MTFR1: variants seen among roughly 807,000 people sequenced by gnomAD.
MTFR1 encodes mitochondrial fission regulator 1.
In MTFR1, 28 loss-of-function variants were observed where a neutral mutation model predicts 38.8. The observed-to-expected ratio is 0.72, with a 90% CI of 0.53 to 0.99. MTFR1 has a LOEUF of 0.99. Among genes scored for constraint, MTFR1 ranks in the 50% least tolerant of loss-of-function variants. The probability of loss-of-function intolerance (pLI) is 0.00; values close to 1 mark genes in which losing one functional copy is unlikely to be tolerated. For missense variants in MTFR1, 358 were observed against 395.5 expected, an observed-to-expected ratio of 0.91 and a Z score of 0.81; for synonymous variants, 145 against 137.0, an observed-to-expected ratio of 1.06 and a Z score of -0.41.
rs1285706048 is a variant in MTFR1, at chr8:65,747,265, C to T, written c.*49-23682C>T. Among the ~76,000 whole-genome samples, 7 of 152,170 alleles carry T rather than the reference C, an allele frequency of 4.6e-5. No homozygotes were observed. In the East Asian group the frequency reaches 7.7e-4, roughly 17 times the overall value. ...GTTTACCTCTAACCAGCTGGGTGGG[C>T]GCAAACAAGTCCCTCGTGCTCTCTT... On this transcript the variant is annotated intron_variant, in intron 3 of 3. Coordinates refer to the MTFR1 transcript ENST00000521247.
chr8:65,730,087 G>A (rs1266425883), intron 3 of MTFR1, among the ~76,000 whole-genome samples: 1 of 150,798 alleles, frequency 6.6e-6, no homozygotes, highest in Non-Finnish European at 1.5e-5. Context: ...TATTGCCTGA[G>A]CTCTGCCTTG....
At chr8:65,741,554 G>A (rs1240079625) in intron 3 of MTFR1, among the ~76,000 whole-genome samples, 9 of 152,234 alleles carry the variant, frequency 5.9e-5, no homozygotes, top group Middle Eastern at 3.4e-3. Flanking sequence ...ACTACCTGAC[G>A]TATCACCTTC....
chr8:65,724,873 G>A (rs1806544951), intron 3 of MTFR1: 2 of 1,610,462 alleles, frequency 1.2e-6, no homozygotes, highest in Non-Finnish European at 1.7e-6. Context: ...TCTGGCGACT[G>A]ATGTCTGTGG....
Position 65,755,317 on chromosome 8 carries a change from G to A in MTFR1, c.*49-15630G>A, listed in dbSNP as rs113297362. Among the ~76,000 whole-genome samples, 17 of 152,080 alleles carry A rather than the reference G, an allele frequency of 1.1e-4. 1 individual carries two copies. The highest frequency in any genetic ancestry group is 3.6e-4 in the African/African-American group (15 of 41,496). On this transcript the variant is annotated intron_variant, in intron 3 of 3. Transcript: ENST00000521247. ...ATTACAGGCATGAGCCATCATGCCC[G>A]GCCCATTATTGCCTTTTTAAAATTT...
intron 3 of MTFR1, among the ~76,000 whole-genome samples, chr8:65,764,423 G>A (rs553968302): frequency 5.9e-5 from 9 of 152,168 alleles, no homozygotes; most frequent in Admixed American, 2.6e-4. Context: ...AGCTGCTTTC[G>A]CAGACCAAAC....
intron 5 of MTFR1, among the ~76,000 whole-genome samples, chr8:65,706,141 C>A (rs527527319): frequency 6.6e-6 from 1 of 152,316 alleles, no homozygotes; most frequent in Admixed American, 6.5e-5. Context: ...GGCGCTGATG[C>A]TGGACTGTGC....
chr8:65,747,066 A>T (rs1245174903), intron 3 of MTFR1, among the ~76,000 whole-genome samples: 2 of 152,212 alleles, frequency 1.3e-5, no homozygotes, highest in Non-Finnish European at 2.9e-5. Context: ...GGAAGTAAAT[A>T]ATGCTCACAA....
chr8:65,745,535 T>C (rs1363165807), intron 3 of MTFR1: 2 of 873,688 alleles, frequency 2.3e-6, no homozygotes, highest in Non-Finnish European at 3.8e-6. Flanking sequence ...TTGGAGATAT[T>C]CCATAGAGAA....
chr8:65,723,346 T>C, intron 3 of MTFR1: 1 of 420,984 alleles, frequency 2.4e-6, no homozygotes, highest in Non-Finnish European at 3.8e-6. Flanking sequence ...TCTGCAAAAA[T>C]ATACTTTTTA....
chr8:65,720,639 CG>C (rs1806335351), intron 3 of MTFR1: 1 of 152,634 alleles, frequency 6.6e-6, no homozygotes. Context: ...TCCCTCCACA[CG>C]TATTTACTGA....
At chr8:65,723,551 G>C in intron 3 of MTFR1, 3 of 1,575,194 alleles carry the variant, frequency 1.9e-6, no homozygotes, top group Non-Finnish European at 2.6e-6. Flanking sequence ...CAATCTGGAT[G>C]TTGGCAATAG....
intron 4 of MTFR1, among the ~76,000 whole-genome samples, chr8:65,699,571 C>T (rs1805550075): frequency 6.6e-6 from 1 of 152,176 alleles, no homozygotes; most frequent in Non-Finnish European, 1.5e-5. Context: ...CTCAGCTTTC[C>T]CACAGAGCCT....
intron 1 of MTFR1, among the ~76,000 whole-genome samples, chr8:65,646,276 TGAA>T (rs1808963122): frequency 6.6e-6 from 1 of 152,186 alleles, no homozygotes; most frequent in African/African-American, 2.4e-5. Flanking sequence ...ACAATTTACC[TGAA>T]GTCACACTGC....
intron 3 of MTFR1, among the ~76,000 whole-genome samples, chr8:65,761,831 T>C (rs1808510954): frequency 6.6e-6 from 1 of 152,188 alleles, no homozygotes; most frequent in Non-Finnish European, 1.5e-5. Flanking sequence ...AGACAGGAAA[T>C]ACAAGCCCCA....
chr8:65,666,754 T>C (rs1163705611), intron 1 of MTFR1, among the ~76,000 whole-genome samples: 1 of 152,166 alleles, frequency 6.6e-6, no homozygotes. Context: ...TATAATTTAG[T>C]GGTGTTTGGA....
rs184664857 is a variant in MTFR1 at position 65,734,661 on chromosome 8, C to T, written c.*48+15180C>T. 1,345 of 587,096 alleles carry T rather than the reference C, an allele frequency of 2.3e-3. 3 individuals are homozygous for T. Among genetic ancestry groups the T allele is most frequent in the Non-Finnish European group, 3.3e-3 (1,087 of 327,144 alleles). 36.4% of individuals were successfully genotyped at this position (587,096 alleles called of 1,614,324 possible). ...ACACAGCCAGATTCAGAAACTTGAT[C>T]CAGCTAGATCTCATTCTTGTGAAGG... On this transcript the variant is annotated intron_variant, in intron 3 of 3. Transcript: ENST00000521247.
chr8:65,672,612 G>A (rs1804595265), intron 2 of MTFR1, among the ~76,000 whole-genome samples: 1 of 152,120 alleles, frequency 6.6e-6, no homozygotes, highest in South Asian at 2.1e-4. Flanking sequence ...CTGGGTTCAG[G>A]TGATTCTCCT....
Position 65,707,053 on chromosome 8 carries a change from T to G in MTFR1, c.561T>G (p.Pro187=). ...CATTTGGTACCATACCACCACACCC[T>G]CCACCTCCCCCACCGCCCCTGCCTC... is the stretch of plus-strand genomic sequence containing the variant. ...STTFGTIPPH[P]PPPPPPLPPP... is the part of the protein sequence containing the mutation. The change falls in exon 6 of 8, where the codon CCT becomes CCG. Residue 187 remains proline (P), a synonymous_variant. Coordinates refer to ENST00000262146, the MANE Select transcript of MTFR1 (RefSeq NM_014637.4). 2.3e-5 allele frequency: 28 copies of G among 1,210,592 alleles called. No homozygotes were observed. The highest frequency in any genetic ancestry group is 2.1e-4 in the Middle Eastern group (1 of 4,744). 75.0% of individuals were successfully genotyped at this position (1,210,592 alleles called of 1,614,324 possible).
intron 1 of MTFR1, among the ~76,000 whole-genome samples, chr8:65,669,485 T>A (rs1475739936): frequency 6.6e-6 from 1 of 152,178 alleles, no homozygotes; most frequent in Non-Finnish European, 1.5e-5. Flanking sequence ...CAAAACACCT[T>A]ATACTGTTAC....
Sources: allele counts gnomAD v4.1 joint callset (sites outside exome capture counted in the v4.1 genomes callset), GRCh38; gene constraint gnomAD v4.1.1; transcripts MANE v1.5; gene names NCBI Gene and HGNC (gene_info 2026-07-23, HGNC 2026-07-21).